Variants in EPS8 observed in about 807,000 individuals in gnomAD.
EPS8 encodes the protein epidermal growth factor receptor kinase substrate 8.
EPS8 carries 42 observed loss-of-function variants against 103.8 expected under a neutral mutation model. That is an observed-to-expected ratio of 0.40 (90% CI 0.32 to 0.52). EPS8 has a LOEUF of 0.52. Among genes scored for constraint, EPS8 ranks in the 20% least tolerant of loss-of-function variants. The probability of loss-of-function intolerance (pLI) is 0.40; values close to 1 mark genes in which losing one functional copy is unlikely to be tolerated. For synonymous variants in EPS8, 344 were observed against 344.6 expected, an observed-to-expected ratio of 1.00 and a Z score of 0.02; for missense variants, 969 against 1,005.1, an observed-to-expected ratio of 0.96 and a Z score of 0.49.
chr12:15,647,086 A>G, intron 15 of EPS8, 41 bp downstream of exon 15: 1 of 1,589,602 alleles, frequency 6.3e-7, no homozygotes, highest in African/African-American at 1.3e-5. Context: ...GATCAGAGAC[A>G]TTTATCCACA....
rs757366903 is a variant in EPS8 at position 15,649,621 on chromosome 12, G to GA, written c.1434+1201dup. Among the ~76,000 whole-genome samples the GA allele has an allele frequency of 1.3e-3, 202 of 150,324 alleles. 1 individual carries two copies. The highest frequency in any genetic ancestry group is 2.0e-3 in the Non-Finnish European group (132 of 67,496). ...TCTTCCCTTATAATACAGCCAGAGG[G>GA]AAAAAAAAATTGCATTAGGAAAAAA... is the stretch of plus-strand genomic sequence containing the variant. On this transcript the variant is annotated intron_variant, in intron 14 of 20. Coordinates refer to ENST00000281172, the MANE Select transcript of EPS8 (RefSeq NM_004447.6).
In EPS8 at chr12:15,695,389, G is replaced by A. The variant is rs7977862; in HGVS notation, c.-21-12417C>T. Among the ~76,000 whole-genome samples, 535 of 152,250 alleles carry A rather than the reference G, an allele frequency of 3.5e-3. 1 individual carries two copies. Among genetic ancestry groups the A allele is most frequent in the African/African-American group, 0.012 (505 of 41,528 alleles). ...CCAGAATGTGCCCATCAGTGCTCTC[G>A]CACAGTCCCATACAACTTCCTAGAA... is the stretch of plus-strand genomic sequence containing the variant. On this transcript the variant is annotated intron_variant, in intron 1 of 20. Coordinates refer to ENST00000281172, the MANE Select transcript of EPS8 (RefSeq NM_004447.6). This position sits in a 1 kb window ranked among gnomAD's most constrained non-coding sequence, Gnocchi z 5.0.
chr12:15,726,292 T>C (rs936551910), intron 1 of EPS8, among the ~76,000 whole-genome samples: 1 of 151,274 alleles, frequency 6.6e-6, no homozygotes, highest in Non-Finnish European at 1.5e-5. Context: ...CTGTCAAGAG[T>C]GACAGAGTGA....
intron 17 of EPS8, among the ~76,000 whole-genome samples, chr12:15,638,121 G>A (rs1480763353): frequency 1.3e-5 from 2 of 151,976 alleles, no homozygotes; most frequent in Non-Finnish European, 1.5e-5. Flanking sequence ...TTAGATATGG[G>A]TATCTGGTGT....
intron 1 of EPS8, chr12:15,683,671 A>C (rs1345000754): frequency 6.6e-6 from 1 of 152,188 alleles, no homozygotes; most frequent in Non-Finnish European, 1.5e-5. Flanking sequence ...TTTTAAATCT[A>C]TTTTACAGAT....
intron 18 of EPS8, among the ~76,000 whole-genome samples, chr12:15,626,506 G>A (rs1333980833): frequency 6.6e-6 from 1 of 151,846 alleles, no homozygotes; most frequent in Non-Finnish European, 1.5e-5. Flanking sequence ...GCATGTGCCT[G>A]TGGCCCCAGC....
At position 15,725,697 on chromosome 12, in the gene EPS8, T is replaced by C. The variant is rs1407207438; in HGVS notation, c.-21-42725A>G. The stretch of plus-strand genomic sequence containing the variant: ...TCTCATTATCTCATTAAAAGAATCC[T>C]GACTCATCATCATCAAATAACAGAG... On this transcript the variant is annotated intron_variant, in intron 1 of 20. Transcript: ENST00000281172. This position sits in a 1 kb window ranked among gnomAD's most constrained non-coding sequence, Gnocchi z 4.5. 6.6e-6 allele frequency among the ~76,000 whole-genome samples: 1 copy of C among 152,174 alleles called. No homozygotes were observed. The highest frequency in any genetic ancestry group is 2.4e-5 in the African/African-American group (1 of 41,440).
In EPS8 at chr12:15,725,292, A is replaced by C. The variant is rs1378929981; in HGVS notation, c.-21-42320T>G. ...TACCACTAACTGTGTATCACCTGAAATCACCCTCAAGAGATCTCCGGAAAA... is the reference window on the plus strand; with the variant it reads ...TACCACTAACTGTGTATCACCTGAACTCACCCTCAAGAGATCTCCGGAAAA... On this transcript the variant is annotated intron_variant, in intron 1 of 20. Coordinates refer to ENST00000281172, the MANE Select transcript of EPS8 (RefSeq NM_004447.6). This position sits in a 1 kb window ranked among gnomAD's most constrained non-coding sequence, Gnocchi z 4.5. Among the ~76,000 whole-genome samples, 1 of 152,012 alleles carries C rather than the reference A, an allele frequency of 6.6e-6. No homozygotes were observed. Among genetic ancestry groups the C allele is most frequent in the African/African-American group, 2.4e-5 (1 of 41,372 alleles).
intron 8 of EPS8, chr12:15,662,800 CAGA>C (rs536064581): frequency 0.012 from 3,078 of 248,554 alleles, 25 homozygotes; most frequent in Non-Finnish European, 0.015. Flanking sequence ...AGAGTTGTTA[CAGA>C]TATCTCATGG....
At chr12:15,720,051 C>T (rs1226205887) in intron 1 of EPS8, among the ~76,000 whole-genome samples, 1 of 152,114 alleles carries the variant, frequency 6.6e-6, no homozygotes, top group South Asian at 2.1e-4. Context: ...GGTTCATGTA[C>T]AAAACAGACT....
rs1240650477 is a variant in EPS8, at chr12:15,731,899, C to CTA, written c.-21-48929_-21-48928dup. ...CAAAAGGAAGCTGGGTGGTTAATCA[C>CTA]TATATATATCTGTTCCTTAAAATCT... On this transcript the variant is annotated intron_variant, in intron 1 of 20. Transcript: ENST00000281172. The surrounding 1 kb of genome is among the most constrained non-coding windows in gnomAD (Gnocchi z 5.1). Among the ~76,000 whole-genome samples, 1 of 151,906 alleles carries CTA rather than the reference C, an allele frequency of 6.6e-6. No homozygotes were observed. The highest frequency in any genetic ancestry group is 6.6e-5 in the Admixed American group (1 of 15,220).
intron 8 of EPS8, 164 bp downstream of exon 8, chr12:15,665,592 A>C: frequency 1.3e-6 from 1 of 759,362 alleles, no homozygotes. Context: ...CGGCCTCCCA[A>C]AGCACTGGGA....
At chr12:15,756,505 ATAGT>A (rs1946987741) in intron 1 of EPS8, among the ~76,000 whole-genome samples, 1 of 152,208 alleles carries the variant, frequency 6.6e-6, no homozygotes, top group African/African-American at 2.4e-5. Context: ...AAGGCTCTAT[ATAGT>A]TACCTTTGAT....
rs1186529781 is a variant in EPS8 at position 15,749,986 on chromosome 12, A to G, written c.-22+39175T>C. Reference sequence around the variant, plus strand: ...TTGTTCCTTTTGTCTAAGATTTCAGATAACTTTCCTCTGTTTCTCCCTGCT... The same window carrying G: ...TTGTTCCTTTTGTCTAAGATTTCAGGTAACTTTCCTCTGTTTCTCCCTGCT... On this transcript the variant is annotated intron_variant, in intron 1 of 20. Transcript: ENST00000281172. The surrounding 1 kb of genome is among the most constrained non-coding windows in gnomAD (Gnocchi z 4.0). Among the ~76,000 whole-genome samples the G allele has an allele frequency of 6.6e-6, 1 of 152,178 alleles. No individual in the cohort carries two copies. The highest frequency in any genetic ancestry group is 1.5e-5 in the Non-Finnish European group (1 of 68,034).
rs1945710346 is a variant in EPS8, at chr12:15,666,379, T to TG, written c.599+60dup. ...ATAGAAAATAATTTTTCTAACTCTTTGGGGAAAAAAGCCTTAGAAACAAAT... is the reference window on the plus strand; with the variant it reads ...ATAGAAAATAATTTTTCTAACTCTTTGGGGGAAAAAAGCCTTAGAAACAAAT... On this transcript the variant is annotated intron_variant, in intron 7 of 20. Coordinates refer to ENST00000281172, the MANE Select transcript of EPS8 (RefSeq NM_004447.6). The TG allele has an allele frequency of 1.4e-5, 18 of 1,274,336 alleles. No homozygotes were observed. The East Asian group carries it at 4.2e-4, about 29-fold the overall frequency. 78.9% of individuals were successfully genotyped at this position (1,274,336 alleles called of 1,614,324 possible).
chr12:15,763,657 A>C (rs1591927352), intron 1 of EPS8, among the ~76,000 whole-genome samples: 1 of 152,156 alleles, frequency 6.6e-6, no homozygotes, highest in African/African-American at 2.4e-5. Flanking sequence ...AAATTAGAAA[A>C]AAACTAAACT....
chr12:15,650,949 G>C lies in EPS8; in HGVS notation c.1308C>G (p.Gly436=). 6.2e-7 allele frequency: 1 copy of C among 1,614,082 alleles called. No individual in the cohort carries two copies. ...IPPYVPRFRN[G]WEPPMLNFMG... ...TAAAGTTCAGCATTGGGGGCTCCCA[G>C]CCATTGCGGAATCGTGGAACATATG... Residue 436 remains glycine (G), a synonymous_variant, in exon 14 of 21, where the codon GGC becomes GGG. Transcript: ENST00000281172.
intron 17 of EPS8, among the ~76,000 whole-genome samples, chr12:15,632,934 A>G (rs568132223): frequency 4.6e-4 from 70 of 152,280 alleles, no homozygotes; most frequent in African/African-American, 1.7e-3. Flanking sequence ...GATGGGGTCA[A>G]GGAAGTGGGA....
Position 15,746,425 on chromosome 12 carries a change from T to C in EPS8, c.-22+42736A>G, listed in dbSNP as rs1335440655. On this transcript the variant is annotated intron_variant, in intron 1 of 20. Coordinates refer to ENST00000281172, the MANE Select transcript of EPS8 (RefSeq NM_004447.6). ...TTTAATGGCACTTCCTTTCTCCTCA[T>C]CACTCTAGCCATTGATGACTCCATC... Among the ~76,000 whole-genome samples, 2 of 151,822 alleles carry C rather than the reference T, an allele frequency of 1.3e-5. 1 individual carries two copies. Among genetic ancestry groups the C allele is most frequent in the Middle Eastern group, 6.3e-3 (2 of 316 alleles).
Sources: allele counts gnomAD v4.1 joint callset (sites outside exome capture counted in the v4.1 genomes callset), GRCh38; gene constraint gnomAD v4.1.1; non-coding constraint Gnocchi (gnomAD v3.1); transcripts MANE v1.5; gene names NCBI Gene and HGNC (gene_info 2026-07-23, HGNC 2026-07-21).